Variants in PPP4R3B observed in about 807,000 individuals in gnomAD.
The protein encoded by PPP4R3B is protein phosphatase 4 regulatory subunit 3B, also known as serine/threonine-protein phosphatase 4 regulatory subunit 3B.
PPP4R3B carries 52 observed loss-of-function variants against 95.4 expected under a neutral mutation model. That is an observed-to-expected ratio of 0.54 (90% CI 0.44 to 0.69). The LOEUF (loss-of-function observed/expected upper bound fraction) is 0.69. Ranked by LOEUF, PPP4R3B falls within the 30% of genes least tolerant of loss-of-function variation. The pLI is 0.00. For synonymous variants in PPP4R3B, 407 were observed against 343.9 expected, an observed-to-expected ratio of 1.18 and a Z score of -2.03; for missense variants, 1,003 against 1,005.9, an observed-to-expected ratio of 1.00 and a Z score of 0.04.
At chr2:55,558,388 A>T (rs7598650) in intron 16 of PPP4R3B, among the ~76,000 whole-genome samples, 66,595 of 152,012 alleles carry the variant, frequency 0.44, 15,417 homozygotes, top group Non-Finnish European at 0.51. Flanking sequence ...GGTGGGCGGA[A>T]CATGAGGTCA....
intron 1 of PPP4R3B, 126 bp from the exon 2 acceptor site, chr2:55,615,632 G>A: frequency 1.7e-6 from 1 of 584,410 alleles, no homozygotes; most frequent in South Asian, 2.0e-5. Context: ...GAGGCGGGCA[G>A]ATCACGAGGT....
Position 55,615,892 on chromosome 2 carries a change from A to G in PPP4R3B, c.143-386T>C, listed in dbSNP as rs1004222642. Among the ~76,000 whole-genome samples the G allele has an allele frequency of 3.6e-4, 43 of 119,242 alleles. 1 individual carries two copies. The highest frequency in any genetic ancestry group is 1.5e-3 in the Admixed American group (17 of 11,066). 78.2% of individuals were successfully genotyped at this position (119,242 alleles called of 152,430 possible). On this transcript the variant is annotated intron_variant, in intron 1 of 16. Transcript: ENST00000616407. ...AAAAAAAAAAAAAAAATACACATTT[A>G]AACCCCGCCCCCCGCCCCCGCAAAC...
chr2:55,615,288 CTTTT>C (rs70954138), intron 2 of PPP4R3B, 159 bp downstream of exon 2: 71,156 of 602,294 alleles, frequency 0.12, 4,890 homozygotes, highest in East Asian at 0.23. Context: ...AGTACAAAAA[CTTTT>C]TTTCAGTCTG....
chr2:55,614,498 A>C (rs1342607628), intron 2 of PPP4R3B: 1 of 152,204 alleles, frequency 6.6e-6, no homozygotes, highest in Non-Finnish European at 1.5e-5. Flanking sequence ...AATACATGTA[A>C]GAGTATGACA....
At chr2:55,611,183 A>T (rs1462596382) in intron 2 of PPP4R3B, among the ~76,000 whole-genome samples, 1 of 151,376 alleles carries the variant, frequency 6.6e-6, no homozygotes, top group Non-Finnish European at 1.5e-5. Flanking sequence ...TTTTATTAAG[A>T]TATGTTGCCC....
At chr2:55,570,204 C>T (rs895376193) in intron 12 of PPP4R3B, among the ~76,000 whole-genome samples, 8 of 152,144 alleles carry the variant, frequency 5.3e-5, no homozygotes, top group Non-Finnish European at 8.8e-5. Flanking sequence ...GAGCTGAGAT[C>T]GTGCCACTAC....
At chr2:55,570,644 T>G (rs1224843867) in intron 12 of PPP4R3B, among the ~76,000 whole-genome samples, 2 of 152,214 alleles carry the variant, frequency 1.3e-5, no homozygotes, top group African/African-American at 4.8e-5. Flanking sequence ...AGGCTTCTGA[T>G]TTTATAAGTC....
chr2:55,554,172 C>A (rs907325413), intron 16 of PPP4R3B, among the ~76,000 whole-genome samples: 5 of 152,210 alleles, frequency 3.3e-5, no homozygotes, highest in Admixed American at 6.5e-5. Context: ...TCAAGTGATA[C>A]TCCCACCTCA....
chr2:55,591,827 G>T (rs1174256903), intron 4 of PPP4R3B: 5 of 193,256 alleles, frequency 2.6e-5, no homozygotes, highest in Non-Finnish European at 3.8e-5. Flanking sequence ...AAAGCACTCT[G>T]TTCCAATATA....
At chr2:55,576,010 A>G (rs13025331) in intron 11 of PPP4R3B, among the ~76,000 whole-genome samples, 1 of 151,772 alleles carries the variant, frequency 6.6e-6, no homozygotes, top group Non-Finnish European at 1.5e-5. Context: ...TTGCTCTAAC[A>G]GCCAGTACCA....
chr2:55,603,752 T>C (rs1359070846), intron 3 of PPP4R3B, among the ~76,000 whole-genome samples: 2 of 152,206 alleles, frequency 1.3e-5, no homozygotes, highest in Non-Finnish European at 2.9e-5. Flanking sequence ...ATTATGAGCA[T>C]ATGCTATCAA....
chr2:55,565,818 C>G (rs1687222480), intron 13 of PPP4R3B: 1 of 175,394 alleles, frequency 5.7e-6, no homozygotes, highest in Admixed American at 5.4e-5. Flanking sequence ...CTCTCTCAAG[C>G]CTTTCCCACA....
chr2:55,594,218 T>C (rs949803214), intron 4 of PPP4R3B, among the ~76,000 whole-genome samples: 14 of 150,906 alleles, frequency 9.3e-5, no homozygotes, highest in Admixed American at 3.3e-4. Flanking sequence ...ATCACGGTGA[T>C]GGGTACACTA....
At chr2:55,573,468 G>C (rs1429310628) in intron 12 of PPP4R3B, 151 bp downstream of exon 12, 2 of 678,022 alleles carry the variant, frequency 2.9e-6, no homozygotes, top group Non-Finnish European at 4.7e-6. Flanking sequence ...CTACAACCTA[G>C]TCCTCTTGCC....
intron 12 of PPP4R3B, among the ~76,000 whole-genome samples, chr2:55,571,863 C>T (rs1227582540): frequency 6.6e-6 from 1 of 152,238 alleles, no homozygotes; most frequent in Non-Finnish European, 1.5e-5. Context: ...AGGTGATCCA[C>T]CCGCCTTGGC....
At chr2:55,599,666 A>C (rs1692279683) in intron 3 of PPP4R3B, among the ~76,000 whole-genome samples, 1 of 152,194 alleles carries the variant, frequency 6.6e-6, no homozygotes, top group Non-Finnish European at 1.5e-5. Flanking sequence ...ACTCTGCTGT[A>C]TGGATTCACA....
In PPP4R3B at chr2:55,617,438, G is replaced by A. The variant is rs1695123692; in HGVS notation, c.-153C>T. 3.3e-6 allele frequency: 3 copies of A among 914,342 alleles called. No homozygotes were observed. The allele number at this position is 914,342 out of a possible 1,614,324, so 56.6% of individuals were successfully genotyped here. A position where few individuals can be genotyped will look rare whatever the true frequency, so the allele number is the denominator to read the frequency against. On this transcript the variant is annotated 5_prime_UTR_variant, in exon 1 of 17. Coordinates refer to ENST00000616407, the MANE Select transcript of PPP4R3B (RefSeq NM_001122964.3). ...TCACCATGGCTCCAAAGGTTCAGCC[G>A]CGAGAAGGGGTGACAAGAGCCACTG...
chr2:55,595,096 C>T (rs1020109443), intron 4 of PPP4R3B, among the ~76,000 whole-genome samples: 3 of 151,114 alleles, frequency 2.0e-5, no homozygotes, highest in Non-Finnish European at 2.9e-5. Flanking sequence ...ACAATCTCAG[C>T]TCACTGCAAC....
chr2:55,568,746 C>T (rs1488743542), intron 12 of PPP4R3B, among the ~76,000 whole-genome samples: 1 of 152,192 alleles, frequency 6.6e-6, no homozygotes, highest in Admixed American at 6.5e-5. Flanking sequence ...CTGGTGGATG[C>T]TGAGACAACG....
Sources: gnomAD v4.1 joint callset for allele counts (sites outside exome capture counted in the v4.1 genomes callset) on GRCh38, gnomAD v4.1.1 for gene constraint, MANE v1.5 for transcripts, NCBI Gene and HGNC (gene_info 2026-07-23, HGNC 2026-07-21) for gene names.